ASPRV1: variants seen among roughly 807,000 people sequenced by gnomAD.
ASPRV1 encodes the protein aspartic peptidase retroviral like 1.
In ASPRV1, 7 loss-of-function variants were observed where a neutral mutation model predicts 11.0. The observed-to-expected ratio is 0.64, with a 90% confidence interval of 0.36 to 1.20. The LOEUF (loss-of-function observed/expected upper bound fraction) is 1.20. Ranked by LOEUF, ASPRV1 falls within the 50% of genes most tolerant of loss-of-function variation. The probability of loss-of-function intolerance (pLI) is 0.02; values close to 1 mark genes in which losing one functional copy is unlikely to be tolerated. For synonymous variants in ASPRV1, 136 were observed against 138.4 expected (o/e 0.98, Z 0.12); for missense variants, 299 against 320.0 (o/e 0.93, Z 0.50).
At chr2:69,979,374 G>T in the ASPRV1 span, among the ~76,000 whole-genome samples, 1 of 152,304 alleles carries the variant, frequency 6.6e-6, no homozygotes, top group East Asian at 1.9e-4. Flanking sequence ...GCCACCCCAG[G>T]CCCTTCTCTC....
chr2:70,036,888 A>G, the ASPRV1 span, among the ~76,000 whole-genome samples: 1 of 151,496 alleles, frequency 6.6e-6, no homozygotes, highest in Non-Finnish European at 1.5e-5. Flanking sequence ...GCCCACTCCT[A>G]CCTCTCCCCA....
the ASPRV1 span, chr2:69,941,686 C>T: frequency 1.3e-5 from 2 of 152,142 alleles, no homozygotes. Context: ...ATCCCCAAAG[C>T]GGCCAAGAGC....
chr2:70,056,649 G>A, the ASPRV1 span: 5 of 149,284 alleles, frequency 3.3e-5, no homozygotes, highest in Non-Finnish European at 5.9e-5. Context: ...CATATTTTAC[G>A]TTTGTTTTTT....
chr2:69,951,674 TA>T, the ASPRV1 span, among the ~76,000 whole-genome samples: 10 of 151,284 alleles, frequency 6.6e-5, no homozygotes, highest in East Asian at 1.5e-3. Context: ...CTTTTGCAAT[TA>T]AAAAAAATAC....
chr2:70,076,949 T>G, the ASPRV1 span, among the ~76,000 whole-genome samples: 1 of 152,204 alleles, frequency 6.6e-6, no homozygotes, highest in East Asian at 1.9e-4. Flanking sequence ...TTGAAAATTG[T>G]AAGTCAAACC....
the ASPRV1 span, among the ~76,000 whole-genome samples, chr2:70,038,156 G>GTC: frequency 6.6e-6 from 1 of 152,226 alleles, no homozygotes; most frequent in African/African-American, 2.4e-5. Context: ...CAGATAAGCA[G>GTC]TAAGTGCTAC....
the ASPRV1 span, among the ~76,000 whole-genome samples, chr2:69,945,218 G>A: frequency 8.6e-5 from 13 of 151,406 alleles, 1 homozygote; most frequent in East Asian, 1.9e-4. Flanking sequence ...CAGCCTGGGC[G>A]ACAGAGAGAG....
At chr2:70,006,332 C>A in the ASPRV1 span, among the ~76,000 whole-genome samples, 2 of 152,166 alleles carry the variant, frequency 1.3e-5, no homozygotes, top group Non-Finnish European at 2.9e-5. Flanking sequence ...CTGGAGGTCC[C>A]ACAGTGGGGC....
At chr2:69,963,677 T>A (rs1357900200), upstream of ASPRV1, among the ~76,000 whole-genome samples, 1 of 152,158 alleles carries the variant, frequency 6.6e-6, no homozygotes, top group Non-Finnish European at 1.5e-5. Context: ...GGTGGTCCCT[T>A]GGGACCTCAT....
At chr2:70,074,775 T>C in the ASPRV1 span, among the ~76,000 whole-genome samples, 1 of 151,292 alleles carries the variant, frequency 6.6e-6, no homozygotes, top group Non-Finnish European at 1.5e-5. Flanking sequence ...ACTACCTACT[T>C]AACAGAGGTA....
the ASPRV1 span, among the ~76,000 whole-genome samples, chr2:70,001,625 T>C: frequency 2.0e-5 from 3 of 152,198 alleles, no homozygotes; most frequent in South Asian, 6.2e-4. Flanking sequence ...CCAGGCATGG[T>C]GGCACATACC....
chr2:70,013,354 T>C, the ASPRV1 span, among the ~76,000 whole-genome samples: 4 of 152,146 alleles, frequency 2.6e-5, no homozygotes, highest in Non-Finnish European at 2.9e-5. Flanking sequence ...AAGAAGAGTA[T>C]CCACCATGAT....
At chr2:69,956,146 T>A (rs1456243518), downstream of ASPRV1, among the ~76,000 whole-genome samples, 2 of 152,164 alleles carry the variant, frequency 1.3e-5, no homozygotes, top group Non-Finnish European at 2.9e-5. Context: ...GCTGTCCCCA[T>A]GGCCAAATCT....
upstream of ASPRV1, chr2:69,964,146 G>A (rs1678251636): frequency 1.4e-5 from 4 of 277,436 alleles, no homozygotes; most frequent in South Asian, 1.2e-4. Context: ...ACTGTGGCTG[G>A]TGATGAACAA....
At chr2:70,036,601 A>G in the ASPRV1 span, among the ~76,000 whole-genome samples, 11 of 152,158 alleles carry the variant, frequency 7.2e-5, no homozygotes, top group Admixed American at 3.9e-4. Flanking sequence ...CAAAAAACAA[A>G]AAAAAGTAAT....
the ASPRV1 span, chr2:70,018,076 G>A: frequency 6.6e-6 from 1 of 151,928 alleles, no homozygotes; most frequent in African/African-American, 2.4e-5. Context: ...GGAGGCGGAG[G>A]TTGCAGTGAG....
the ASPRV1 span, among the ~76,000 whole-genome samples, chr2:69,991,944 C>A: frequency 6.6e-6 from 1 of 152,192 alleles, no homozygotes; most frequent in Non-Finnish European, 1.5e-5. Context: ...TCTGGTCATG[C>A]CACCTCTCTC....
chr2:70,075,956 A>C, the ASPRV1 span, among the ~76,000 whole-genome samples: 21 of 152,182 alleles, frequency 1.4e-4, no homozygotes, highest in African/African-American at 5.1e-4. Flanking sequence ...AGGCCGGACA[A>C]GCTCTTACTT....
At chr2:69,935,873 G>C in the ASPRV1 span, among the ~76,000 whole-genome samples, 1 of 152,098 alleles carries the variant, frequency 6.6e-6, no homozygotes, top group East Asian at 1.9e-4. Context: ...TGCTTCCTGA[G>C]AACAGTCCTT....
Sources: gnomAD v4.1 joint callset for allele counts (sites outside exome capture counted in the v4.1 genomes callset) on GRCh38, gnomAD v4.1.1 for gene constraint, MANE v1.5 for transcripts, NCBI Gene and HGNC (gene_info 2026-07-23, HGNC 2026-07-21) for gene names.